BCL11B: variants seen among roughly 807,000 people sequenced by gnomAD.
The protein encoded by BCL11B is BCL11 transcription factor B, also known as B-cell lymphoma/leukemia 11B.
BCL11B carries 8 observed loss-of-function variants against 49.9 expected under a neutral mutation model. The observed-to-expected ratio is 0.16, with a 90% CI of 0.09 to 0.29. The LOEUF (loss-of-function observed/expected upper bound fraction) is 0.29, where lower values mean the gene tolerates loss of function less well. BCL11B is among the 10% of genes least tolerant of loss of function. The pLI is 1.00. For missense variants in BCL11B, 1,006 were observed against 1,351.0 expected, an observed-to-expected ratio of 0.74 and a Z score of 4.00; for synonymous variants, 739 against 637.4, an observed-to-expected ratio of 1.16 and a Z score of -2.40.
rs1433467641 is a variant in BCL11B, at chr14:99,213,041, G to A, written c.640+18304C>T. Reference sequence around the variant, plus strand: ...GCCTGTCTCCACCTTCACCTGAGCAGGATGCCCACCAGGGGAGAGGGGACC... The same window carrying A: ...GCCTGTCTCCACCTTCACCTGAGCAAGATGCCCACCAGGGGAGAGGGGACC... On this transcript the variant is annotated intron_variant, in intron 3 of 3. Transcript: ENST00000357195. The surrounding 1 kb of genome is among the most constrained non-coding windows in gnomAD (Gnocchi z 5.1). Among the ~76,000 whole-genome samples, 1 of 152,230 alleles carries A rather than the reference G, an allele frequency of 6.6e-6. No homozygotes were observed. The highest frequency in any genetic ancestry group is 1.5e-5 in the Non-Finnish European group (1 of 68,028).
intron 3 of BCL11B, among the ~76,000 whole-genome samples, chr14:99,197,580 C>A (rs1002646290): frequency 1.3e-5 from 2 of 152,074 alleles, no homozygotes; most frequent in African/African-American, 2.4e-5. Flanking sequence ...GGAAATGAAG[C>A]CCTTGCTGTG....
At chr14:99,191,287 A>G (rs1418063222) in intron 3 of BCL11B, among the ~76,000 whole-genome samples, 13 of 152,102 alleles carry the variant, frequency 8.5e-5, no homozygotes. Context: ...TGCACAGGAC[A>G]TCTCCCCAAC....
chr14:99,192,294 GCC>G lies in BCL11B; in HGVS notation c.641-16101_641-16100del, dbSNP rs1465990394. On this transcript the variant is annotated intron_variant, in intron 3 of 3. Coordinates refer to ENST00000357195, the MANE Select transcript of BCL11B (RefSeq NM_138576.4). This position sits in a 1 kb window ranked among gnomAD's most constrained non-coding sequence, Gnocchi z 4.0. ...ATACAGTAGCACTTTCATTTTAAGC[GCC>G]CCAGCCACGCTTCCCTAATAACAGC... Among the ~76,000 whole-genome samples, 1 of 152,026 alleles carries G rather than the reference GCC, an allele frequency of 6.6e-6. No homozygotes were observed. The highest frequency in any genetic ancestry group is 1.9e-4 in the East Asian group (1 of 5,174).
At chr14:99,187,697 T>G (rs1886895451) in intron 3 of BCL11B, among the ~76,000 whole-genome samples, 2 of 147,846 alleles carry the variant, frequency 1.4e-5, no homozygotes, top group Non-Finnish European at 3.0e-5. Flanking sequence ...CGGCTGCAGG[T>G]GTGTGAGCGG....
rs762694354 is a variant in BCL11B, at chr14:99,175,099, C to G, written c.1737G>C (p.Ala579=). The G allele has an allele frequency of 2.5e-6, 4 of 1,599,072 alleles. No homozygotes were observed. The highest frequency in any genetic ancestry group is 1.7e-6 in the Non-Finnish European group (2 of 1,176,356). ...GGGGVPGVPG[A]GGGAAKALAD... ...CCAGCGCCTTGGCCGCGCCGCCCCC[C>G]GCGCCCGGGACCCCGGGCACCCCAC... Residue 579 remains alanine, a synonymous_variant, in exon 4 of 4, where the codon GCG becomes GCC. Transcript: ENST00000357195.
At chr14:99,223,898 C>T (rs1216988173) in intron 3 of BCL11B, among the ~76,000 whole-genome samples, 1 of 152,220 alleles carries the variant, frequency 6.6e-6, no homozygotes, top group African/African-American at 2.4e-5. Flanking sequence ...TGAGGGAGCA[C>T]CCGAGCAGCA....
At chr14:99,250,033 CTT>C (rs35826122) in intron 2 of BCL11B, among the ~76,000 whole-genome samples, 97 of 106,208 alleles carry the variant, frequency 9.1e-4, no homozygotes, top group South Asian at 2.5e-3. Context: ...ACAGGAGAAT[CTT>C]TTTTTTTTTT....
chr14:99,217,540 C>G (rs1276736598), intron 3 of BCL11B, among the ~76,000 whole-genome samples: 5 of 152,186 alleles, frequency 3.3e-5, no homozygotes, highest in Non-Finnish European at 5.9e-5. Flanking sequence ...AATGTTTTCC[C>G]TCAAGTCTTG....
intron 3 of BCL11B, among the ~76,000 whole-genome samples, chr14:99,176,923 T>C (rs1373355288): frequency 6.6e-6 from 1 of 152,038 alleles, no homozygotes; most frequent in Non-Finnish European, 1.5e-5. Flanking sequence ...CTGCAAACTT[T>C]TTTTTTTTTA....
rs530118834 is a variant in BCL11B, at chr14:99,262,669, G to C, written c.59-4830C>G. Among the ~76,000 whole-genome samples the C allele has an allele frequency of 6.6e-6, 1 of 152,124 alleles. No individual in the cohort carries two copies. Among genetic ancestry groups the C allele is most frequent in the Non-Finnish European group, 1.5e-5 (1 of 68,032 alleles). On this transcript the variant is annotated intron_variant, in intron 1 of 3. Transcript: ENST00000357195. The surrounding 1 kb of genome is among the most constrained non-coding windows in gnomAD (Gnocchi z 4.2). Reference sequence around the variant, plus strand: ...CTACGAAGAGGGAGCTCTTGCCAGCGAGCCCATGCTTACCCATAATCTACG... The same window carrying C: ...CTACGAAGAGGGAGCTCTTGCCAGCCAGCCCATGCTTACCCATAATCTACG...
intron 3 of BCL11B, among the ~76,000 whole-genome samples, chr14:99,199,690 G>A (rs544657799): frequency 1.6e-4 from 10 of 64,400 alleles, no homozygotes; most frequent in East Asian, 1.1e-3. Flanking sequence ...GTGTGCGCGC[G>A]CGCGCGCACG....
rs544454717 is a variant in BCL11B, at chr14:99,205,292, C to T, written c.640+26053G>A. Among the ~76,000 whole-genome samples, 15 of 152,268 alleles carry T rather than the reference C, an allele frequency of 9.9e-5. No homozygotes were observed. The highest frequency in any genetic ancestry group is 3.4e-4 in the African/African-American group (14 of 41,558). On this transcript the variant is annotated intron_variant, in intron 3 of 3. Transcript: ENST00000357195. This position sits in a 1 kb window ranked among gnomAD's most constrained non-coding sequence, Gnocchi z 5.0. ...GGAGGTGTGGCCACAGGGTCTCAGA[C>T]CCTGAAAATGAGCATCCGGGGACAG... is the stretch of plus-strand genomic sequence containing the variant.
chr14:99,181,323 T>C (rs1415517342), intron 3 of BCL11B, among the ~76,000 whole-genome samples: 2 of 152,230 alleles, frequency 1.3e-5, no homozygotes, highest in African/African-American at 4.8e-5. Context: ...GCATTTCCCA[T>C]GCATTCACTC....
chr14:99,266,596 A>G (rs1889489321), intron 1 of BCL11B, among the ~76,000 whole-genome samples: 1 of 152,240 alleles, frequency 6.6e-6, no homozygotes. Flanking sequence ...TCCTGCACGA[A>G]TCTCTGCTGG....
intron 3 of BCL11B, among the ~76,000 whole-genome samples, chr14:99,230,381 C>A (rs1888292198): frequency 6.6e-6 from 1 of 152,242 alleles, no homozygotes; most frequent in Admixed American, 6.5e-5. Flanking sequence ...CCCAGCTCTG[C>A]ACCCCCCTTC....
Position 99,170,920 on chromosome 14 carries a change from C to T in BCL11B, c.*3231G>A. ...TCAAGGACTAAAGCAGCTCAGTTTG[C>T]ATTGCTTTCTGCTGGTAAGGGCGGG... is the stretch of plus-strand genomic sequence containing the variant. On this transcript the variant is annotated 3_prime_UTR_variant, in exon 4 of 4. Coordinates refer to ENST00000357195, the MANE Select transcript of BCL11B (RefSeq NM_138576.4). The T allele has an allele frequency of 4.3e-6, 1 of 232,496 alleles. No homozygotes were observed. Among genetic ancestry groups the T allele is most frequent in the East Asian group, 6.1e-5 (1 of 16,492 alleles). 14.4% of individuals were successfully genotyped at this position (232,496 alleles called of 1,614,324 possible).
At chr14:99,199,161 G>A (rs1206924124) in intron 3 of BCL11B, among the ~76,000 whole-genome samples, 1 of 152,164 alleles carries the variant, frequency 6.6e-6, no homozygotes, top group African/African-American at 2.4e-5. Context: ...CCACGTCCTG[G>A]TAATTACCGT....
At chr14:99,254,171 G>A (rs150432880) in intron 2 of BCL11B, among the ~76,000 whole-genome samples, 30 of 152,348 alleles carry the variant, frequency 2.0e-4, no homozygotes, top group African/African-American at 6.7e-4. Flanking sequence ...TGGGCCCCAG[G>A]TGCTCAGTTG....
intron 2 of BCL11B, among the ~76,000 whole-genome samples, chr14:99,233,693 C>G (rs1474635388): frequency 6.6e-6 from 1 of 152,176 alleles, no homozygotes; most frequent in Admixed American, 6.5e-5. Context: ...CTGGCCACAC[C>G]CTTCTCCTGG....
Sources: gnomAD v4.1 joint callset for allele counts (sites outside exome capture counted in the v4.1 genomes callset) on GRCh38, gnomAD v4.1.1 for gene constraint, Gnocchi (gnomAD v3.1) non-coding constraint, MANE v1.5 for transcripts, NCBI Gene and HGNC (gene_info 2026-07-23, HGNC 2026-07-21) for gene names.